COL13A1: variants seen among roughly 807,000 people sequenced by gnomAD.
COL13A1 encodes the protein collagen type XIII alpha 1 chain.
In COL13A1, 89 loss-of-function variants were observed where a neutral mutation model predicts 130.9. The ratio of observed to expected loss-of-function variants is 0.68; its 90% CI spans 0.57 to 0.81. The LOEUF (loss-of-function observed/expected upper bound fraction) is 0.81, where lower values mean the gene tolerates loss of function less well. Among genes scored for constraint, COL13A1 ranks in the 30% least tolerant of loss-of-function variants. The probability of loss-of-function intolerance (pLI) is 0.00; values close to 1 mark genes in which losing one functional copy is unlikely to be tolerated. For synonymous variants in COL13A1, 402 were observed against 341.6 expected, an observed-to-expected ratio of 1.18 and a Z score of -1.95; for missense variants, 879 against 934.6, an observed-to-expected ratio of 0.94 and a Z score of 0.78.
intron 2 of COL13A1, among the ~76,000 whole-genome samples, chr10:69,862,344 G>A (rs932945907): frequency 1.3e-5 from 2 of 152,180 alleles, no homozygotes; most frequent in African/African-American, 4.8e-5. Flanking sequence ...TGCTTTATCA[G>A]TCACAAAGCA....
chr10:69,868,119 CAAAAA>C (rs55856106), intron 3 of COL13A1, among the ~76,000 whole-genome samples: 228 of 126,920 alleles, frequency 1.8e-3, no homozygotes, highest in South Asian at 2.9e-3. Context: ...CTATTGGAGT[CAAAAA>C]AAAAAAAAAA....
chr10:69,911,664 A>G (rs1265868951), intron 17 of COL13A1, among the ~76,000 whole-genome samples: 1 of 152,254 alleles, frequency 6.6e-6, no homozygotes, highest in African/African-American at 2.4e-5. Context: ...AGAAGGCTGG[A>G]TTCAGGCCTT....
intron 2 of COL13A1, among the ~76,000 whole-genome samples, chr10:69,867,590 T>G (rs988695277): frequency 1.3e-5 from 2 of 152,240 alleles, no homozygotes; most frequent in African/African-American, 4.8e-5. Context: ...CCTAGACCTC[T>G]GGATTTCTCA....
chr10:69,935,932 G>A (rs961660434), intron 32 of COL13A1, among the ~76,000 whole-genome samples: 5 of 151,266 alleles, frequency 3.3e-5, no homozygotes, highest in Non-Finnish European at 5.9e-5. Context: ...AATCACCTGG[G>A]CCCCAGAGAT....
chr10:69,905,005 C>G, intron 16 of COL13A1, 46 bp downstream of exon 16: 1 of 1,551,922 alleles, frequency 6.4e-7, no homozygotes, highest in South Asian at 1.2e-5. Context: ...GGAGAATTCC[C>G]TGCAGGAGGG....
At chr10:69,957,081 CAGCAGTGCCATAA>C in intron 40 of COL13A1, 39 bp downstream of exon 40, 1 of 1,563,590 alleles carries the variant, frequency 6.4e-7, no homozygotes, top group South Asian at 1.1e-5. Context: ...GCTCCGTTCT[CAGCAGTGCCATAA>C]AGCTTCCACA....
At chr10:69,875,271 G>A in intron 5 of COL13A1, 108 bp downstream of exon 5, 1 of 1,370,128 alleles carries the variant, frequency 7.3e-7, no homozygotes. Context: ...CCAAGGAGGG[G>A]GTCAGCACTT....
chr10:69,928,370 G>T (rs993314125), intron 27 of COL13A1, among the ~76,000 whole-genome samples: 8 of 152,104 alleles, frequency 5.3e-5, no homozygotes, highest in Admixed American at 2.0e-4. Flanking sequence ...CCCAGCCCCA[G>T]GCCACCACTG....
intron 2 of COL13A1, among the ~76,000 whole-genome samples, chr10:69,847,908 A>C (rs1435750244): frequency 6.6e-6 from 1 of 152,258 alleles, no homozygotes; most frequent in African/African-American, 2.4e-5. Flanking sequence ...CCCTTCCTGC[A>C]AAGGGCTGGA....
intron 24 of COL13A1, among the ~76,000 whole-genome samples, chr10:69,924,188 G>A (rs533812130): frequency 1.3e-5 from 2 of 152,228 alleles, no homozygotes; most frequent in Non-Finnish European, 2.9e-5. Flanking sequence ...AAGTGTTGTG[G>A]CAGTGGAGGA....
intron 17 of COL13A1, among the ~76,000 whole-genome samples, chr10:69,912,628 G>C (rs2063509348): frequency 7.2e-6 from 1 of 138,942 alleles, no homozygotes; most frequent in Admixed American, 8.2e-5. Flanking sequence ...CAAAGAGCCT[G>C]TGCCACCAGA....
At chr10:69,899,513 G>C (rs182104641) in intron 14 of COL13A1, among the ~76,000 whole-genome samples, 1 of 152,278 alleles carries the variant, frequency 6.6e-6, no homozygotes, top group African/African-American at 2.4e-5. Context: ...GGCTCTCTCA[G>C]CTGGACCTAC....
At chr10:69,804,993 C>T (rs1289649330) in intron 1 of COL13A1, among the ~76,000 whole-genome samples, 1 of 151,968 alleles carries the variant, frequency 6.6e-6, no homozygotes, top group Non-Finnish European at 1.5e-5. Flanking sequence ...CAAAAGCGGG[C>T]GAGTGTGAAG....
intron 28 of COL13A1, among the ~76,000 whole-genome samples, chr10:69,929,428 C>T (rs950295975): frequency 6.6e-6 from 1 of 152,094 alleles, no homozygotes; most frequent in Non-Finnish European, 1.5e-5. Context: ...AGGTCCTCTC[C>T]CCTGCAAGTC....
intron 7 of COL13A1, 60 bp downstream of exon 7, chr10:69,880,613 C>CT (rs1157820589): frequency 6.4e-7 from 1 of 1,559,988 alleles, no homozygotes; most frequent in East Asian, 2.2e-5. Flanking sequence ...ATGAAAAGGG[C>CT]TTTTAGGCTG....
intron 2 of COL13A1, among the ~76,000 whole-genome samples, chr10:69,865,376 C>T (rs2058425324): frequency 6.6e-6 from 1 of 152,222 alleles, no homozygotes. Context: ...GCATTGAACA[C>T]AGCATCAGGG....
intron 17 of COL13A1, among the ~76,000 whole-genome samples, chr10:69,910,089 C>G (rs770496016): frequency 6.6e-6 from 1 of 152,192 alleles, no homozygotes; most frequent in Non-Finnish European, 1.5e-5. Context: ...CCAACCTCCA[C>G]CTACTAATGG....
chr10:69,853,925 G>C (rs1441864240), intron 2 of COL13A1, among the ~76,000 whole-genome samples: 1 of 152,202 alleles, frequency 6.6e-6, no homozygotes, highest in Non-Finnish European at 1.5e-5. Flanking sequence ...ATGGATGATG[G>C]CTTTTCTTTC....
At chr10:69,913,769 C>T (rs1050405936) in intron 17 of COL13A1, among the ~76,000 whole-genome samples, 2 of 152,000 alleles carry the variant, frequency 1.3e-5, no homozygotes, top group Non-Finnish European at 2.9e-5. Flanking sequence ...GGAGACAAGC[C>T]CCAGGGAGTG....
Sources: allele counts gnomAD v4.1 joint callset (sites outside exome capture counted in the v4.1 genomes callset), GRCh38; gene constraint gnomAD v4.1.1; transcripts MANE v1.5; gene names NCBI Gene and HGNC (gene_info 2026-07-23, HGNC 2026-07-21).